Variants in NRG2 observed in about 807,000 individuals in gnomAD.
NRG2 encodes the protein neuregulin 2.
A neutral mutation model predicts 73.9 loss-of-function variants in NRG2; 27 were observed. That is an observed-to-expected ratio of 0.37 (90% CI 0.27 to 0.50). The LOEUF (loss-of-function observed/expected upper bound fraction) is 0.50, where lower values mean the gene tolerates loss of function less well. Among genes scored for constraint, NRG2 ranks in the 20% least tolerant of loss-of-function variants. The probability of loss-of-function intolerance (pLI) is 0.96; values close to 1 mark genes in which losing one functional copy is unlikely to be tolerated. For missense variants in NRG2, 1,126 were observed against 1,210.1 expected (o/e 0.93, Z 1.03); for synonymous variants, 532 against 541.0 (o/e 0.98, Z 0.23).
At position 139,880,879 on chromosome 5, in the gene NRG2, C is replaced by T. The variant is rs76678710; in HGVS notation, c.968G>A (p.Arg323Gln). ...ACCGCTGTTGACGTAAAGCCGGCCC[C>T]GGACGGTGTCCTTCCCCAGGATGTT... ...AENILGKDTV[R>Q]GRLYVNSVST... The change falls in exon 3 of 10, where the codon CGG becomes CAG. Residue 323 changes from arginine to glutamine, a missense_variant. Coordinates refer to ENST00000361474, the MANE Select transcript of NRG2 (RefSeq NM_004883.3). 1,919 of 1,614,094 alleles carry T rather than the reference C, an allele frequency of 1.2e-3. 23 individuals are homozygous for T. In the African/African-American group the frequency reaches 0.023, roughly 19 times the overall value.
intron 1 of NRG2, among the ~76,000 whole-genome samples, chr5:139,953,442 C>T (rs965175411): frequency 1.3e-5 from 2 of 152,164 alleles, no homozygotes; most frequent in Non-Finnish European, 2.9e-5. Flanking sequence ...TCTATCTACG[C>T]CTCTTGTCCC....
At chr5:139,980,132 G>A (rs1450062122) in intron 1 of NRG2, among the ~76,000 whole-genome samples, 4 of 152,088 alleles carry the variant, frequency 2.6e-5, no homozygotes, top group Admixed American at 6.5e-5. Context: ...CAGGACATCC[G>A]GAGGCAGATG....
chr5:139,957,230 C>T (rs981947239), intron 1 of NRG2, among the ~76,000 whole-genome samples: 1 of 151,894 alleles, frequency 6.6e-6, no homozygotes, highest in Non-Finnish European at 1.5e-5. Context: ...CAGCTTTGGT[C>T]CACCCCAGAA....
rs900435970 is a variant in NRG2 at position 139,887,980 on chromosome 5, C to T, written c.701-469G>A. 6.6e-6 allele frequency among the ~76,000 whole-genome samples: 1 copy of T among 152,178 alleles called. No individual in the cohort carries two copies. The highest frequency in any genetic ancestry group is 1.5e-5 in the Non-Finnish European group (1 of 68,036). On this transcript the variant is annotated intron_variant, in intron 1 of 9. Coordinates refer to ENST00000361474, the MANE Select transcript of NRG2 (RefSeq NM_004883.3). The surrounding 1 kb of genome is among the most constrained non-coding windows in gnomAD (Gnocchi z 4.5). The stretch of plus-strand genomic sequence containing the variant: ...GTACTGGTGGGCTCAGGCCCAATCA[C>T]GGATGCAAAGCTGCAAATGCCAAGC...
chr5:139,872,928 C>T (rs1471690254), intron 3 of NRG2, among the ~76,000 whole-genome samples: 1 of 152,174 alleles, frequency 6.6e-6, no homozygotes, highest in Non-Finnish European at 1.5e-5. Context: ...TCGTTCCCAC[C>T]CAGCCCAGCA....
intron 1 of NRG2, among the ~76,000 whole-genome samples, chr5:140,025,118 A>C (rs1241208423): frequency 6.6e-6 from 1 of 152,206 alleles, no homozygotes; most frequent in Non-Finnish European, 1.5e-5. Context: ...AAAACCCCTG[A>C]CAAGGCCTGA....
In NRG2 at chr5:139,847,644, CTCT is replaced by C. The variant is rs1761077258; in HGVS notation, c.*270_*272del. On this transcript the variant is annotated 3_prime_UTR_variant, in exon 10 of 10. Coordinates refer to ENST00000361474, the MANE Select transcript of NRG2 (RefSeq NM_004883.3). ...AAAGAGTCAAAAAATTGGCCCATCT[CTCT>C]TTTTTTTTTGTTGTTTCTTTTTTTT... 4 of 303,620 alleles carry C rather than the reference CTCT, an allele frequency of 1.3e-5. No individual in the cohort carries two copies. The highest frequency in any genetic ancestry group is 1.4e-4 in the South Asian group (1 of 7,096). The allele number at this position is 303,620 out of a possible 1,614,324, so 18.8% of individuals were successfully genotyped here.
At chr5:139,889,294 T>C (rs1764066268) in intron 1 of NRG2, among the ~76,000 whole-genome samples, 2 of 152,220 alleles carry the variant, frequency 1.3e-5, no homozygotes, top group Non-Finnish European at 1.5e-5. Context: ...TTTGTGTATA[T>C]ATATATTTCA....
chr5:140,040,622 G>A (rs1761840434), intron 1 of NRG2, among the ~76,000 whole-genome samples: 1 of 152,186 alleles, frequency 6.6e-6, no homozygotes, highest in Non-Finnish European at 1.5e-5. Context: ...TGTACACTGT[G>A]CAAATGCAGG....
At chr5:139,961,109 C>T (rs1034305226) in intron 1 of NRG2, among the ~76,000 whole-genome samples, 13 of 152,228 alleles carry the variant, frequency 8.5e-5, no homozygotes, top group Admixed American at 7.8e-4. Context: ...AGAACCAACA[C>T]GCTTGTACGC....
chr5:139,847,311 G>C lies in NRG2; in HGVS notation c.*606C>G, dbSNP rs1292561354. The stretch of plus-strand genomic sequence containing the variant: ...CTCCTTTAACAGCTGTGAGTAGCCA[G>C]GGCTTCCCCATTCGGGTAGCTGTGT... On this transcript the variant is annotated 3_prime_UTR_variant, in exon 10 of 10. Transcript: ENST00000361474. The C allele has an allele frequency of 6.6e-6, 1 of 151,892 alleles. No homozygotes were observed. The allele number at this position is 151,892 out of a possible 1,614,324, so 9.4% of individuals were successfully genotyped here. A position where few individuals can be genotyped will look rare whatever the true frequency, so the allele number is the denominator to read the frequency against.
chr5:139,918,978 G>A (rs1406738631), intron 1 of NRG2, among the ~76,000 whole-genome samples: 1 of 152,134 alleles, frequency 6.6e-6, no homozygotes, highest in Non-Finnish European at 1.5e-5. Flanking sequence ...AGAAGAATAG[G>A]GTGAGTCAAC....
At chr5:139,974,821 C>G (rs543267354) in intron 1 of NRG2, among the ~76,000 whole-genome samples, 3 of 152,310 alleles carry the variant, frequency 2.0e-5, no homozygotes, top group South Asian at 4.1e-4. Context: ...ATGGGGTGCT[C>G]CTACCTTTAG....
chr5:140,026,528 G>A (rs1441293433), intron 1 of NRG2, among the ~76,000 whole-genome samples: 1 of 152,030 alleles, frequency 6.6e-6, no homozygotes, highest in African/African-American at 2.4e-5. Flanking sequence ...TCAAGCCCAC[G>A]AGGTCCAAGC....
chr5:139,976,035 T>C (rs2126545516), intron 1 of NRG2, among the ~76,000 whole-genome samples: 1 of 152,368 alleles, frequency 6.6e-6, no homozygotes, highest in South Asian at 2.1e-4. Flanking sequence ...ATGAGGTAGC[T>C]AACCTTATAC....
At chr5:139,979,033 C>A (rs1482163188) in intron 1 of NRG2, among the ~76,000 whole-genome samples, 1 of 132,364 alleles carries the variant, frequency 7.6e-6, no homozygotes, top group African/African-American at 3.0e-5. Context: ...GGGAATTGAA[C>A]AATGAGAATA....
rs1160821402 is a variant in NRG2 at position 139,851,775 on chromosome 5, T to G, written c.1601A>C (p.Gln534Pro). ...ERSESLTSDS[Q>P]SGIMLSSVGT... ...CACTGATGATAGCATGATCCCCGAC[T>G]GGGAGTCAGAAGTCAGGCTCTCAGA... Residue 534 changes from glutamine to proline, a missense_variant, in exon 9 of 10, where the codon CAG becomes CCG. Coordinates refer to ENST00000361474, the MANE Select transcript of NRG2 (RefSeq NM_004883.3). The surrounding 1 kb of genome is among the most constrained non-coding windows in gnomAD (Gnocchi z 4.2). 6.8e-6 allele frequency: 11 copies of G among 1,614,110 alleles called. No homozygotes were observed. Among genetic ancestry groups the G allele is most frequent in the Non-Finnish European group, 9.3e-6 (11 of 1,180,038 alleles).
At chr5:139,881,213 G>A (rs1433283004) in intron 2 of NRG2, among the ~76,000 whole-genome samples, 1 of 152,180 alleles carries the variant, frequency 6.6e-6, no homozygotes, top group East Asian at 1.9e-4. Flanking sequence ...CTGCTCACAT[G>A]TCCTAAATCT....
intron 1 of NRG2, among the ~76,000 whole-genome samples, chr5:139,888,733 C>T (rs570403106): frequency 1.3e-5 from 2 of 152,204 alleles, no homozygotes; most frequent in African/African-American, 4.8e-5. Flanking sequence ...GAAAGGAAGA[C>T]TTTAAAAATG....
Sources: gnomAD v4.1 joint callset for allele counts (sites outside exome capture counted in the v4.1 genomes callset) on GRCh38, gnomAD v4.1.1 for gene constraint, Gnocchi (gnomAD v3.1) non-coding constraint, MANE v1.5 for transcripts, NCBI Gene and HGNC (gene_info 2026-07-23, HGNC 2026-07-21) for gene names.